NSMAF: variants seen among roughly 807,000 people sequenced by gnomAD.
NSMAF encodes the protein protein FAN.
In NSMAF, 90 loss-of-function variants were observed where a neutral mutation model predicts 134.9. That is an observed-to-expected ratio of 0.67 (90% CI 0.56 to 0.79). NSMAF has a LOEUF of 0.79. NSMAF is among the 30% of genes least tolerant of loss of function. NSMAF has a pLI of 0.00. For synonymous variants in NSMAF, 358 were observed against 389.6 expected (o/e 0.92, Z 0.96); for missense variants, 1,010 against 1,119.0 (o/e 0.90, Z 1.39).
intron 5 of NSMAF, among the ~76,000 whole-genome samples, chr8:58,632,892 T>C (rs1807087716): frequency 6.6e-6 from 1 of 152,192 alleles, no homozygotes; most frequent in Admixed American, 6.5e-5. Flanking sequence ...TTGGAGTCAT[T>C]CTTGACTGTT....
intron 17 of NSMAF, 46 bp downstream of exon 17, chr8:58,599,924 T>G: frequency 6.2e-7 from 1 of 1,613,190 alleles, no homozygotes; most frequent in Non-Finnish European, 8.5e-7. Flanking sequence ...TTAAAGCAGT[T>G]AGAAACCCCA....
intron 1 of NSMAF, among the ~76,000 whole-genome samples, chr8:58,646,724 T>C (rs1807462806): frequency 6.6e-6 from 1 of 152,116 alleles, no homozygotes; most frequent in African/African-American, 2.4e-5. Flanking sequence ...TTTTACGGAG[T>C]AAAAGAGTCC....
chr8:58,619,521 A>G (rs1214267601), intron 9 of NSMAF, among the ~76,000 whole-genome samples: 1 of 152,214 alleles, frequency 6.6e-6, no homozygotes, highest in African/African-American at 2.4e-5. Context: ...CAAATAATTC[A>G]TAGATAAGAT....
At chr8:58,623,308 G>A (rs756822995) in intron 8 of NSMAF, 36 bp from the exon 9 acceptor site, 1 of 1,290,114 alleles carries the variant, frequency 7.8e-7, no homozygotes, top group Admixed American at 1.9e-5. Flanking sequence ...GTATTTATAA[G>A]TATTTATAAG....
chr8:58,588,456 A>G, intron 26 of NSMAF: 1 of 1,234,452 alleles, frequency 8.1e-7, no homozygotes, highest in African/African-American at 1.4e-5. Flanking sequence ...CAGCACCCGC[A>G]GGTCTAAATT....
chr8:58,605,757 G>A (rs1806390705), intron 12 of NSMAF, among the ~76,000 whole-genome samples, 170 bp downstream of exon 12: 1 of 151,810 alleles, frequency 6.6e-6, no homozygotes, highest in Non-Finnish European at 1.5e-5. Context: ...GCGGGCACCT[G>A]TAGTCCCAGC....
At chr8:58,626,784 T>C (rs1806942631) in intron 6 of NSMAF, among the ~76,000 whole-genome samples, 1 of 152,216 alleles carries the variant, frequency 6.6e-6, no homozygotes, top group South Asian at 2.1e-4. Context: ...GGAATCTCTA[T>C]ACTGTTTCTA....
rs777034496 is a variant in NSMAF at position 58,601,477 on chromosome 8, G to A, written c.1184C>T (p.Pro395Leu). 40 of 1,613,132 alleles carry A rather than the reference G, an allele frequency of 2.5e-5. No homozygotes were observed. Among genetic ancestry groups the A allele is most frequent in the Non-Finnish European group, 3.3e-5 (39 of 1,179,756 alleles). ...KFMYGSHYSS[P>L]GYVLFYLVRI... ...AACAAGATAAAAAAGTACATAACCC[G>A]GGGAAGAGTAGTGACTCCCATACAT... is the stretch of plus-strand genomic sequence containing the variant. Residue 395 changes from proline to leucine, a missense_variant, in exon 15 of 31, where the codon CCG (proline) becomes CTG (leucine). Coordinates refer to ENST00000038176, the MANE Select transcript of NSMAF (RefSeq NM_003580.4).
chr8:58,644,874 C>T (rs952465311), intron 1 of NSMAF, among the ~76,000 whole-genome samples: 6 of 152,148 alleles, frequency 3.9e-5, no homozygotes, highest in Non-Finnish European at 8.8e-5. Flanking sequence ...GAAAACCAAG[C>T]ACCGCCATGT....
chr8:58,607,229 G>A (rs1273964405), intron 11 of NSMAF, among the ~76,000 whole-genome samples: 1 of 152,210 alleles, frequency 6.6e-6, no homozygotes, highest in Non-Finnish European at 1.5e-5. Context: ...TAAGACATGT[G>A]TCGGAAATAG....
At chr8:58,602,231 T>A (rs1046721191) in intron 13 of NSMAF, 94 bp from the exon 14 acceptor site, 3 of 994,718 alleles carry the variant, frequency 3.0e-6, no homozygotes, top group Non-Finnish European at 4.5e-6. Context: ...TCCACAAAAG[T>A]TTTTTTAAAA....
At chr8:58,597,696 T>C (rs1806171632) in intron 20 of NSMAF, 146 bp from the exon 21 acceptor site, 2 of 947,848 alleles carry the variant, frequency 2.1e-6, no homozygotes, top group Non-Finnish European at 3.2e-6. Flanking sequence ...AACCTCATTA[T>C]AGACCTTCAG....
intron 26 of NSMAF, chr8:58,588,429 T>C (rs1285605503): frequency 1.3e-5 from 16 of 1,250,532 alleles, no homozygotes; most frequent in African/African-American, 8.5e-5. Context: ...ACATGGGCTT[T>C]GGTGGGGGAC....
At chr8:58,647,057 G>A (rs565183005) in intron 1 of NSMAF, among the ~76,000 whole-genome samples, 1 of 152,342 alleles carries the variant, frequency 6.6e-6, no homozygotes, top group East Asian at 1.9e-4. Flanking sequence ...CTCAGCTGAT[G>A]AACAGTATTT....
At chr8:58,586,745 A>G in intron 27 of NSMAF, 137 bp from the exon 28 acceptor site, 1 of 620,562 alleles carries the variant, frequency 1.6e-6, no homozygotes, top group South Asian at 2.4e-5. Context: ...TTGCTAATGC[A>G]GATGTATTTC....
Position 58,623,205 on chromosome 8 carries a change from T to A in NSMAF, c.557+15A>T, listed in dbSNP as rs562852195. On this transcript the variant is annotated intron_variant, in intron 9 of 30. Coordinates refer to ENST00000038176, the MANE Select transcript of NSMAF (RefSeq NM_003580.4). ...CCACCACTTTTCTAATTAGGAAAGA[T>A]CATTAGAAACTTACCTGTTTTTGTC... 9.5e-6 allele frequency: 15 copies of A among 1,581,340 alleles called. No homozygotes were observed. The East Asian group carries it at 2.9e-4, about 31-fold the overall frequency.
At chr8:58,594,115 GTTTAC>G in intron 23 of NSMAF, 112 bp downstream of exon 23, 1 of 808,544 alleles carries the variant, frequency 1.2e-6, no homozygotes, top group Middle Eastern at 2.3e-4. Flanking sequence ...ACTGCTCTAA[GTTTAC>G]TTTATGTGGA....
chr8:58,639,543 A>G (rs1427027584), intron 2 of NSMAF, among the ~76,000 whole-genome samples: 1 of 152,206 alleles, frequency 6.6e-6, no homozygotes, highest in Non-Finnish European at 1.5e-5. Context: ...AAAACAGTAC[A>G]GAGGTTTCTC....
intron 1 of NSMAF, among the ~76,000 whole-genome samples, chr8:58,647,722 G>A (rs1222358386): frequency 2.6e-5 from 4 of 152,120 alleles, no homozygotes; most frequent in African/African-American, 9.7e-5. Context: ...AGCTCCCTGA[G>A]GCTTACCAGA....
Sources: gnomAD v4.1 joint callset for allele counts (sites outside exome capture counted in the v4.1 genomes callset) on GRCh38, gnomAD v4.1.1 for gene constraint, MANE v1.5 for transcripts, NCBI Gene and HGNC (gene_info 2026-07-23, HGNC 2026-07-21) for gene names.